The following CPN1 variants were observed in gnomAD, a reference collection of about 807,000 sequenced individuals.
CPN1 encodes the protein carboxypeptidase N subunit 1.
In CPN1, 37 loss-of-function variants were observed where a neutral mutation model predicts 46.4. The ratio of observed to expected loss-of-function variants is 0.80; its 90% confidence interval spans 0.61 to 1.05. The LOEUF (loss-of-function observed/expected upper bound fraction) is 1.05. Ranked by LOEUF, CPN1 falls within the 50% of genes least tolerant of loss-of-function variation. The pLI, the probability that CPN1 is intolerant of heterozygous loss-of-function variation, is 0.00. For synonymous variants in CPN1, 224 were observed against 235.4 expected (o/e 0.95, Z 0.44); for missense variants, 563 against 602.6 (o/e 0.93, Z 0.69).
In CPN1 at chr10:100,065,342, CG is replaced by C. The variant is rs773741343; in HGVS notation, c.604del (p.Arg202GlyfsTer108). The C allele has an allele frequency of 1.9e-6, 3 of 1,614,174 alleles. No individual in the cohort carries two copies. Among genetic ancestry groups the C allele is most frequent in the Non-Finnish European group, 2.5e-6 (3 of 1,180,034 alleles). Reference protein sequence around the residue: ...QVEPETRAVIRWMHSFNFVLS... With the variant: ...QVEPETRAVIXWMHSFNFVLS... ...AACAAAGTTGAAGGAGTGCATCCAC[CG>C]GATCACCGCCCGGGTCTCGGGTTCC... is the stretch of plus-strand genomic sequence containing the variant. On this transcript the variant is annotated frameshift_variant, in exon 4 of 9. Transcript: ENST00000370418. LOFTEE classifies it high-confidence loss of function.
intron 8 of CPN1, among the ~76,000 whole-genome samples, chr10:100,044,178 A>C (rs916031599): frequency 9.2e-5 from 14 of 152,288 alleles, no homozygotes; most frequent in African/African-American, 3.4e-4. Context: ...CCAGGAGGGA[A>C]GGGGAGAATC....
At chr10:100,050,335 C>G (rs1846852922) in intron 7 of CPN1, among the ~76,000 whole-genome samples, 1 of 151,338 alleles carries the variant, frequency 6.6e-6, no homozygotes, top group African/African-American at 2.4e-5. Flanking sequence ...GCCTTGGTGA[C>G]AGAGCAAGAT....
chr10:100,067,694 A>C (rs2041462033), intron 3 of CPN1, among the ~76,000 whole-genome samples: 1 of 152,204 alleles, frequency 6.6e-6, no homozygotes, highest in Non-Finnish European at 1.5e-5. Flanking sequence ...AGTTATTTTC[A>C]GGAGCAGGCC....
At chr10:100,046,447 G>A (rs2041312561) in intron 8 of CPN1, among the ~76,000 whole-genome samples, 1 of 152,144 alleles carries the variant, frequency 6.6e-6, no homozygotes, top group Non-Finnish European at 1.5e-5. Flanking sequence ...CCTCCAGCCT[G>A]GGCTACACAG....
In CPN1 at chr10:100,043,103, A is replaced by G. The variant is rs182872025; in HGVS notation, c.1231-530T>C. Among the ~76,000 whole-genome samples, 824 of 150,060 alleles carry G rather than the reference A, an allele frequency of 5.5e-3. 12 individuals carry two copies. The highest frequency in any genetic ancestry group is 0.018 in the African/African-American group (744 of 40,716). ...CGAGACTCCATCTCAAAAAAAAAAA[A>G]AAAAAAGAAAAAAATTAGGTTGGGC... On this transcript the variant is annotated intron_variant, in intron 8 of 8. Transcript: ENST00000370418.
At chr10:100,049,133 A>G (rs941261007) in intron 7 of CPN1, among the ~76,000 whole-genome samples, 5 of 151,202 alleles carry the variant, frequency 3.3e-5, no homozygotes, top group Admixed American at 2.6e-4. Flanking sequence ...TAATTTTTGT[A>G]TTTTTAGTAG....
At chr10:100,080,753 C>T (rs928647735) in intron 1 of CPN1, among the ~76,000 whole-genome samples, 5 of 151,856 alleles carry the variant, frequency 3.3e-5, no homozygotes, top group South Asian at 4.2e-4. Flanking sequence ...ATTAGCCGGG[C>T]GTATTGGTGC....
At chr10:100,043,500 G>A (rs974840885) in intron 8 of CPN1, among the ~76,000 whole-genome samples, 4 of 152,146 alleles carry the variant, frequency 2.6e-5, no homozygotes, top group Non-Finnish European at 5.9e-5. Flanking sequence ...TGACGGTGCT[G>A]TAACAATCTT....
chr10:100,048,892 A>C lies in CPN1; in HGVS notation c.1112-16T>G, dbSNP rs754234111. On this transcript the variant is annotated splice_polypyrimidine_tract_variant and intron_variant, in intron 7 of 8. Coordinates refer to ENST00000370418, the MANE Select transcript of CPN1 (RefSeq NM_001308.3). ...CCATGGTCACCTGAAAGTCACAAAG[A>C]TATAACTCAGTCTACTGATTAAAAA... 1.3e-6 allele frequency: 2 copies of C among 1,574,534 alleles called. No individual in the cohort carries two copies. Among genetic ancestry groups the C allele is most frequent in the Non-Finnish European group, 1.7e-6 (2 of 1,144,536 alleles).
intron 3 of CPN1, 141 bp from the exon 4 acceptor site, chr10:100,065,511 G>A (rs888115462): frequency 1.2e-6 from 1 of 838,316 alleles, no homozygotes; most frequent in Non-Finnish European, 1.9e-6. Context: ...GATATGAAAA[G>A]TGGAGATGGG....
chr10:100,048,632 G>C, intron 8 of CPN1, 126 bp downstream of exon 8: 2 of 774,790 alleles, frequency 2.6e-6, no homozygotes, highest in South Asian at 2.7e-5. Context: ...CCAGGAGATC[G>C]AGGCTGCAGT....
At chr10:100,063,996 G>A (rs1405094751) in intron 4 of CPN1, among the ~76,000 whole-genome samples, 1 of 152,098 alleles carries the variant, frequency 6.6e-6, no homozygotes, top group Non-Finnish European at 1.5e-5. Context: ...AGAGTTAGGA[G>A]ATCTGTATTC....
chr10:100,054,468 T>C (rs781580623), intron 6 of CPN1, 22 bp from the exon 7 acceptor site: 1 of 1,575,982 alleles, frequency 6.3e-7, no homozygotes, highest in Non-Finnish European at 8.7e-7. Context: ...AGTATATAGT[T>C]ATGATCATAA....
chr10:100,046,160 T>C (rs901948754), intron 8 of CPN1, among the ~76,000 whole-genome samples: 6 of 152,208 alleles, frequency 3.9e-5, no homozygotes, highest in Admixed American at 3.3e-4. Flanking sequence ...TTTTGCGGCA[T>C]GAGTGGAAAG....
chr10:100,055,555 G>A (rs758850160), intron 6 of CPN1, among the ~76,000 whole-genome samples: 2 of 151,956 alleles, frequency 1.3e-5, no homozygotes, highest in South Asian at 2.1e-4. Flanking sequence ...ATGGAGTTTC[G>A]CTCTCGTTGC....
chr10:100,066,920 A>G (rs1219386248), intron 3 of CPN1, among the ~76,000 whole-genome samples: 1 of 152,188 alleles, frequency 6.6e-6, no homozygotes, highest in Non-Finnish European at 1.5e-5. Context: ...CCAGCTTTTC[A>G]CTGTTCCTCT....
chr10:100,059,673 A>G (rs140211134), intron 5 of CPN1, among the ~76,000 whole-genome samples: 478 of 152,190 alleles, frequency 3.1e-3, no homozygotes, highest in Middle Eastern at 0.01. Context: ...TATGGAAAAC[A>G]GTATGGTAGT....
intron 5 of CPN1, among the ~76,000 whole-genome samples, chr10:100,062,447 C>T (rs2041425485): frequency 6.6e-6 from 1 of 152,174 alleles, no homozygotes; most frequent in Admixed American, 6.5e-5. Context: ...CCCAGGCCAG[C>T]TCCTCTGCTC....
intron 6 of CPN1, among the ~76,000 whole-genome samples, chr10:100,055,355 C>A (rs1046878466): frequency 6.6e-6 from 1 of 151,652 alleles, no homozygotes; most frequent in African/African-American, 2.4e-5. Flanking sequence ...ATTATCCCCC[C>A]CCCCAGCCCC....
Sources: allele counts gnomAD v4.1 joint callset (sites outside exome capture counted in the v4.1 genomes callset), GRCh38; gene constraint gnomAD v4.1.1; transcripts MANE v1.5; gene names NCBI Gene and HGNC (gene_info 2026-07-23, HGNC 2026-07-21).